TMEM161B: variants seen among roughly 807,000 people sequenced by gnomAD.
The protein encoded by TMEM161B is transmembrane protein 161B.
A neutral mutation model predicts 61.8 loss-of-function variants in TMEM161B; 34 were observed. The observed-to-expected ratio is 0.55, with a 90% CI of 0.42 to 0.73. TMEM161B has a LOEUF of 0.73. Ranked by LOEUF, TMEM161B falls within the 30% of genes least tolerant of loss-of-function variation. The probability of loss-of-function intolerance (pLI) is 0.00; values close to 1 mark genes in which losing one functional copy is unlikely to be tolerated. For missense variants in TMEM161B, 456 were observed against 558.5 expected (o/e 0.82, Z 1.85); for synonymous variants, 167 against 192.8 (o/e 0.87, Z 1.11).
chr5:88,241,008 T>A, intron 1 of TMEM161B, 92 bp from the exon 2 acceptor site: 1 of 854,318 alleles, frequency 1.2e-6, no homozygotes, highest in South Asian at 2.3e-5. Flanking sequence ...AAAATTACAT[T>A]TTAAGAAAAA....
chr5:88,189,173 G>A (rs1748553818), downstream of TMEM161B, among the ~76,000 whole-genome samples: 1 of 152,028 alleles, frequency 6.6e-6, no homozygotes, highest in South Asian at 2.1e-4. Context: ...GTACTGGGTG[G>A]CATTATACAC....
chr5:88,203,219 T>G (rs190919669), intron 8 of TMEM161B, 144 bp from the exon 9 acceptor site: 8 of 548,586 alleles, frequency 1.5e-5, no homozygotes, highest in Non-Finnish European at 2.6e-5. Flanking sequence ...CATCATTTTA[T>G]ATTTATCATT....
chr5:88,207,229 A>G, intron 5 of TMEM161B, 49 bp from the exon 6 acceptor site: 9 of 1,535,288 alleles, frequency 5.9e-6, no homozygotes, highest in Non-Finnish European at 7.1e-6. Flanking sequence ...TATAGGAGCT[A>G]TACACAATGA....
downstream of TMEM161B, among the ~76,000 whole-genome samples, chr5:88,194,346 T>A (rs1215597976): frequency 6.6e-6 from 1 of 152,188 alleles, no homozygotes. Context: ...TACGGCTGCA[T>A]GGTATTCTAT....
rs201032572 is a variant in TMEM161B, at chr5:88,198,994, C to A, written c.1071G>T (p.Thr357=). Residue 357 remains threonine, a synonymous_variant, in exon 10 of 12, where the codon ACG becomes ACT. Transcript: ENST00000296595. ...QMKKEAGRIS[T]VELQKMVARV... ...AACTTACCATTTTCTGTAGCTCAAC[C>A]GTGCTTATTCGCCCCGCTTCTTTCT... 3 of 1,612,416 alleles carry A rather than the reference C, an allele frequency of 1.9e-6. No homozygotes were observed. The highest frequency in any genetic ancestry group is 3.3e-5 in the Admixed American group (2 of 59,820).
exon 13 of TMEM161B, chr5:88,189,833 T>G: frequency 1.9e-6 from 1 of 535,580 alleles, no homozygotes; most frequent in Non-Finnish European, 3.3e-6. Context: ...GGAGAGCCTG[T>G]ATCCATTTTA....
chr5:88,196,308 C>T lies in TMEM161B; in HGVS notation c.1367G>A (p.Arg456Gln), dbSNP rs1749622097. 4 of 1,612,958 alleles carry T rather than the reference C, an allele frequency of 2.5e-6. No individual in the cohort carries two copies. Among genetic ancestry groups the T allele is most frequent in the South Asian group, 2.2e-5 (2 of 91,038 alleles). The stretch of plus-strand genomic sequence containing the variant: ...CCAGGTCAGAAAAGACAGAAGTCCT[C>T]GAAAAAGAAGAGGAGTAAAAATATT... The part of the protein sequence containing the change: ...LKNIFTPLLF[R>Q]GLLSFLTWWI... The change falls in exon 12 of 12, where the codon CGA (arginine) becomes CAA (glutamine). Residue 456 changes from arginine (R) to glutamine (Q), a missense_variant. This residue lies in a region of TMEM161B where 367 missense variants were observed against 427.3 expected (regional missense o/e 0.86). Coordinates refer to ENST00000296595, the MANE Select transcript of TMEM161B (RefSeq NM_153354.5).
intron 2 of TMEM161B, among the ~76,000 whole-genome samples, chr5:88,234,095 C>T (rs1011097566): frequency 6.6e-6 from 1 of 151,854 alleles, no homozygotes; most frequent in African/African-American, 2.4e-5. Context: ...AGAGGTAGGG[C>T]TGTGACTTCT....
intron 5 of TMEM161B, among the ~76,000 whole-genome samples, chr5:88,218,468 T>C (rs1227472255): frequency 1.3e-5 from 2 of 151,844 alleles, no homozygotes; most frequent in Admixed American, 6.6e-5. Flanking sequence ...GTAACGATAA[T>C]GCAGAGAAAA....
chr5:88,219,035 A>C (rs1410702898), intron 5 of TMEM161B, among the ~76,000 whole-genome samples: 1 of 152,136 alleles, frequency 6.6e-6, no homozygotes, highest in African/African-American at 2.4e-5. Flanking sequence ...CCAGGGGCAT[A>C]GGTGCACATC....
At chr5:88,201,162 G>A (rs548776298) in intron 9 of TMEM161B, 31 of 152,136 alleles carry the variant, frequency 2.0e-4, no homozygotes, top group African/African-American at 7.2e-4. Context: ...TATGAAACAG[G>A]TCAGAAATGG....
chr5:88,225,920 A>G, intron 3 of TMEM161B, 54 bp from the exon 4 acceptor site: 1 of 1,146,642 alleles, frequency 8.7e-7, no homozygotes, highest in East Asian at 2.5e-5. Context: ...CTGTTATCCA[A>G]GTGCTTGTTT....
downstream of TMEM161B, among the ~76,000 whole-genome samples, chr5:88,190,757 T>C (rs890802615): frequency 1.6e-4 from 25 of 152,352 alleles, no homozygotes; most frequent in African/African-American, 5.0e-4. Context: ...ATTTCTGATA[T>C]AGTTGCATTC....
At chr5:88,235,502 A>T (rs529515021) in intron 2 of TMEM161B, among the ~76,000 whole-genome samples, 7 of 152,240 alleles carry the variant, frequency 4.6e-5, no homozygotes, top group African/African-American at 1.7e-4. Flanking sequence ...AGCCCTCATT[A>T]ATAGGATTAT....
chr5:88,222,591 A>G (rs986210926), intron 4 of TMEM161B, among the ~76,000 whole-genome samples: 3 of 152,204 alleles, frequency 2.0e-5, no homozygotes, highest in Non-Finnish European at 4.4e-5. Flanking sequence ...TAATTGAAAT[A>G]AGCATTCTAA....
intron 2 of TMEM161B, among the ~76,000 whole-genome samples, chr5:88,229,526 C>G (rs1344262826): frequency 1.3e-5 from 2 of 150,456 alleles, no homozygotes; most frequent in Non-Finnish European, 3.0e-5. Flanking sequence ...GGTGGACCAC[C>G]TTTACTTATT....
intron 1 of TMEM161B, among the ~76,000 whole-genome samples, chr5:88,266,354 T>C (rs1240801197): frequency 6.6e-6 from 1 of 151,832 alleles, no homozygotes; most frequent in Non-Finnish European, 1.5e-5. Context: ...ATGTGACTTA[T>C]GAAAAAAATG....
chr5:88,196,022 T>C lies in TMEM161B; in HGVS notation c.*189A>G. On this transcript the variant is annotated 3_prime_UTR_variant, in exon 12 of 12. Coordinates refer to ENST00000296595, the MANE Select transcript of TMEM161B (RefSeq NM_153354.5). Reference sequence around the variant, plus strand: ...CCACAGTGTAACAGTTAACAATCTATTTTGTAATTTTAAATATTACTACAT... The same window carrying C: ...CCACAGTGTAACAGTTAACAATCTACTTTGTAATTTTAAATATTACTACAT... 2.2e-6 allele frequency: 3 copies of C among 1,378,218 alleles called. No homozygotes were observed. The highest frequency in any genetic ancestry group is 1.7e-5 in the South Asian group (1 of 58,896). 85.4% of individuals were successfully genotyped at this position (1,378,218 alleles called of 1,614,324 possible). A position where few individuals can be genotyped will look rare whatever the true frequency, so the allele number is the denominator to read the frequency against.
intron 1 of TMEM161B, among the ~76,000 whole-genome samples, chr5:88,244,461 T>C (rs1042379422): frequency 3.9e-5 from 6 of 151,940 alleles, no homozygotes; most frequent in Non-Finnish European, 7.4e-5. Context: ...TGGCATTATT[T>C]CTGAGTTCCC....
Sources: gnomAD v4.1 joint callset for allele counts (sites outside exome capture counted in the v4.1 genomes callset) on GRCh38, gnomAD v4.1.1 for gene constraint, gnomAD v4.1.1 regional missense constraint, MANE v1.5 for transcripts, NCBI Gene and HGNC (gene_info 2026-07-23, HGNC 2026-07-21) for gene names.